Variants in BRD1 observed in about 807,000 individuals in gnomAD.
BRD1 encodes the protein bromodomain containing 1.
Under a neutral mutation model 107.7 loss-of-function variants are expected in BRD1, and 24 were observed. The observed-to-expected ratio is 0.22, with a 90% confidence interval of 0.16 to 0.31. The LOEUF (loss-of-function observed/expected upper bound fraction) is 0.31. Ranked by LOEUF, BRD1 falls within the 10% of genes least tolerant of loss-of-function variation. The probability of loss-of-function intolerance (pLI) is 1.00; values close to 1 mark genes in which losing one functional copy is unlikely to be tolerated. For missense variants in BRD1, 1,279 were observed against 1,638.6 expected (o/e 0.78, Z 3.79); for synonymous variants, 744 against 686.1 (o/e 1.08, Z -1.32).
Position 49,788,478 on chromosome 22 carries a change from A to G in BRD1, c.2360-591T>C, listed in dbSNP as rs368303289. On this transcript the variant is annotated intron_variant, in intron 7 of 12. Coordinates refer to ENST00000404760, the MANE Select transcript of BRD1 (RefSeq NM_001304808.3). ...AGAAGTCCGTGCCACGTTCCCAAAT[A>G]TTGTGATGGGAGCTTTCAGGAAAAA... Among the ~76,000 whole-genome samples the G allele has an allele frequency of 2.5e-4, 38 of 152,322 alleles. No homozygotes were observed. In the South Asian group the frequency reaches 5.0e-3, roughly 20 times the overall value.
chr22:49,778,973 T>C (rs2059153363), intron 8 of BRD1, among the ~76,000 whole-genome samples: 1 of 152,224 alleles, frequency 6.6e-6, no homozygotes, highest in African/African-American at 2.4e-5. Context: ...GTGAATTTTT[T>C]TATCCAAAAA....
At chr22:49,808,619 A>T (rs1416990987) in intron 2 of BRD1, among the ~76,000 whole-genome samples, 1 of 152,242 alleles carries the variant, frequency 6.6e-6, no homozygotes, top group Non-Finnish European at 1.5e-5. Context: ...GCACAGCAAC[A>T]GCAATATCAA....
At chr22:49,799,179 A>G in intron 3 of BRD1, 60 bp from the exon 4 acceptor site, 1 of 1,575,966 alleles carries the variant, frequency 6.3e-7, no homozygotes, top group African/African-American at 1.3e-5. Context: ...AAAAGGCCTC[A>G]GATACCATGC....
rs1388666402 is a variant in BRD1 at position 49,790,839 on chromosome 22, C to CCG, written c.2360-2953_2360-2952insCG. Among the ~76,000 whole-genome samples the CCG allele has an allele frequency of 5.9e-5, 9 of 152,366 alleles. No individual in the cohort carries two copies. The East Asian group carries it at 1.7e-3, about 29-fold the overall frequency. On this transcript the variant is annotated intron_variant, in intron 7 of 12. Coordinates refer to ENST00000404760, the MANE Select transcript of BRD1 (RefSeq NM_001304808.3). ...TTCCTTTCCTGAGGGCCACAGTTCT[C>CCG]CACGTGCTCAGCGCCCGTGCACGGC...
At position 49,783,369 on chromosome 22, in the gene BRD1, C is replaced by A. The variant is rs2059253160; in HGVS notation, c.2857+4021G>T. Among the ~76,000 whole-genome samples the A allele has an allele frequency of 6.6e-6, 1 of 152,246 alleles. No homozygotes were observed. Among genetic ancestry groups the A allele is most frequent in the African/African-American group, 2.4e-5 (1 of 41,456 alleles). Reference sequence around the variant, plus strand: ...AGGGGAAGTAAGGGGAGAAGGAAATCAGGTAGAAAACCCAGAAATACAGAA... The same window carrying A: ...AGGGGAAGTAAGGGGAGAAGGAAATAAGGTAGAAAACCCAGAAATACAGAA... On this transcript the variant is annotated intron_variant, in intron 8 of 12. Transcript: ENST00000404760. This position sits in a 1 kb window ranked among gnomAD's most constrained non-coding sequence, Gnocchi z 4.2.
chr22:49,818,670 G>A (rs918224678), intron 2 of BRD1, among the ~76,000 whole-genome samples: 15 of 152,042 alleles, frequency 9.9e-5, no homozygotes, highest in Admixed American at 1.3e-4. Context: ...GATGGATCAC[G>A]AGGTCAGGAA....
rs767855543 is a variant in BRD1, at chr22:49,794,172, C to A, written c.2221G>T (p.Ala741Ser). 7.4e-6 allele frequency: 12 copies of A among 1,614,234 alleles called. No individual in the cohort carries two copies. The highest frequency in any genetic ancestry group is 1.0e-5 in the Non-Finnish European group (12 of 1,180,044). Reference sequence around the variant, plus strand: ...GCAATTTCCTTTTTGAGCAGCTTTGCCCGCTTGCTCCGGGAGCCGCTGGAC... The same window carrying A: ...GCAATTTCCTTTTTGAGCAGCTTTGACCGCTTGCTCCGGGAGCCGCTGGAC... Reference protein sequence around the residue: ...MKSSGSRSKRAKLLKKEIALL... With the variant: ...MKSSGSRSKRSKLLKKEIALL... Residue 741 changes from alanine to serine, a missense_variant, in exon 7 of 13, where the codon GCA (alanine) becomes TCA (serine). Coordinates refer to ENST00000404760, the MANE Select transcript of BRD1 (RefSeq NM_001304808.3).
intron 3 of BRD1, among the ~76,000 whole-genome samples, chr22:49,799,868 C>T (rs1322140508): frequency 6.6e-6 from 1 of 152,244 alleles, no homozygotes. Context: ...CCTGTCCTCA[C>T]CATGTCCCCC....
chr22:49,783,707 C>T lies in BRD1; in HGVS notation c.2857+3683G>A, dbSNP rs2059261025. ...GCTCCAGGCGTGCACCGGGCGCCAGCACCATTCCCACTGCCGGGCTCTGAC... is the reference window on the plus strand; with the variant it reads ...GCTCCAGGCGTGCACCGGGCGCCAGTACCATTCCCACTGCCGGGCTCTGAC... On this transcript the variant is annotated intron_variant, in intron 8 of 12. Coordinates refer to ENST00000404760, the MANE Select transcript of BRD1 (RefSeq NM_001304808.3). This position sits in a 1 kb window ranked among gnomAD's most constrained non-coding sequence, Gnocchi z 4.2. Among the ~76,000 whole-genome samples the T allele has an allele frequency of 6.7e-6, 1 of 149,122 alleles. No homozygotes were observed. Among genetic ancestry groups the T allele is most frequent in the South Asian group, 2.2e-4 (1 of 4,552 alleles).
chr22:49,776,648 C>G (rs950418918), intron 10 of BRD1, among the ~76,000 whole-genome samples: 3 of 152,190 alleles, frequency 2.0e-5, no homozygotes, highest in Non-Finnish European at 4.4e-5. Context: ...CGACCCCAAA[C>G]CCTGGGGCCT....
chr22:49,787,299 A>AACCCCCC (rs2059344927), intron 8 of BRD1, 91 bp downstream of exon 8: 85 of 546,676 alleles, frequency 1.6e-4, no homozygotes, highest in Admixed American at 5.8e-4. Context: ...GAAGCTGGAC[A>AACCCCCC]CCCCCCCCCC....
chr22:49,813,502 G>A (rs989125101), intron 2 of BRD1, among the ~76,000 whole-genome samples: 4 of 151,436 alleles, frequency 2.6e-5, no homozygotes, highest in Non-Finnish European at 5.9e-5. Context: ...GATTACAGGC[G>A]TGAGCCACCA....
intron 6 of BRD1, among the ~76,000 whole-genome samples, chr22:49,795,257 A>G (rs1247848575): frequency 6.6e-6 from 1 of 152,204 alleles, no homozygotes; most frequent in African/African-American, 2.4e-5. Flanking sequence ...TTCTTTCAAA[A>G]CAGAGACCCA....
intron 3 of BRD1, among the ~76,000 whole-genome samples, chr22:49,799,424 G>C (rs923297605): frequency 6.6e-6 from 1 of 152,216 alleles, no homozygotes; most frequent in Non-Finnish European, 1.5e-5. Flanking sequence ...CTGGCGGCGG[G>C]GGGGGCCTTC....
At position 49,783,313 on chromosome 22, in the gene BRD1, C is replaced by T. The variant is rs2059251217; in HGVS notation, c.2857+4077G>A. On this transcript the variant is annotated intron_variant, in intron 8 of 12. Coordinates refer to ENST00000404760, the MANE Select transcript of BRD1 (RefSeq NM_001304808.3). This position sits in a 1 kb window ranked among gnomAD's most constrained non-coding sequence, Gnocchi z 4.2. ...ACAAACAGCAGCACTGCTCAAGAAT[C>T]CACTGGGCATTGTGGGGAAAAAACA... 2.6e-5 allele frequency among the ~76,000 whole-genome samples: 4 copies of T among 152,240 alleles called. No homozygotes were observed. The South Asian group carries it at 6.2e-4, about 24-fold the overall frequency.
rs752162858 is a variant in BRD1 at position 49,794,023 on chromosome 22, C to T, written c.2359+11G>A. On this transcript the variant is annotated intron_variant, in intron 7 of 12. Transcript: ENST00000404760. ...CGGCAAGAAAGCGGGGCAGCCCTCA[C>T]CGTGGCTTACCTTCCTCGCCCGCCT... 1.2e-6 allele frequency: 2 copies of T among 1,607,336 alleles called. No individual in the cohort carries two copies. Among genetic ancestry groups the T allele is most frequent in the Non-Finnish European group, 1.7e-6 (2 of 1,176,734 alleles).
chr22:49,801,816 C>A (rs892642232), intron 3 of BRD1, among the ~76,000 whole-genome samples: 1 of 152,224 alleles, frequency 6.6e-6, no homozygotes, highest in Non-Finnish European at 1.5e-5. Flanking sequence ...CAACCCTCCC[C>A]CTTCCCTTGC....
Position 49,799,089 on chromosome 22 carries a change from T to C in BRD1, c.1555A>G (p.Lys519Glu), listed in dbSNP as rs1185537909. The C allele has an allele frequency of 3.7e-6, 6 of 1,609,906 alleles. No individual in the cohort carries two copies. The highest frequency in any genetic ancestry group is 1.6e-4 in the Middle Eastern group (1 of 6,062). ...RENDEEMKAAKEKLKYWQRLR... is the reference protein window; with the variant it reads ...RENDEEMKAAEEKLKYWQRLR... ...CGCTGCCAGTACTTCAGCTTCTCTT[T>C]GGCAGCCTTCATCTCCTCATCATTT... The change falls in exon 4 of 13, where the codon AAA becomes GAA. Residue 519 changes from lysine to glutamate, a missense_variant. Lys to Glu is a moderately conservative substitution (Grantham distance 56). This residue lies in a region of BRD1 where 406 missense variants were observed against 519.4 expected (regional missense o/e 0.78). Coordinates refer to ENST00000404760, the MANE Select transcript of BRD1 (RefSeq NM_001304808.3).
chr22:49,785,795 C>T (rs2059311996), intron 8 of BRD1, among the ~76,000 whole-genome samples: 1 of 152,180 alleles, frequency 6.6e-6, no homozygotes, highest in Non-Finnish European at 1.5e-5. Flanking sequence ...ATGAAATTTA[C>T]CAGAAATTAC....
Sources: allele counts gnomAD v4.1 joint callset (sites outside exome capture counted in the v4.1 genomes callset), GRCh38; gene constraint gnomAD v4.1.1; regional missense constraint gnomAD v4.1.1; non-coding constraint Gnocchi (gnomAD v3.1); transcripts MANE v1.5; gene names NCBI Gene and HGNC (gene_info 2026-07-23, HGNC 2026-07-21).